ZNF546: variants seen among roughly 807,000 people sequenced by gnomAD.
ZNF546 encodes the protein CTC-471F3.6.
A neutral mutation model predicts 76.2 loss-of-function variants in ZNF546; 60 were observed. The ratio of observed to expected loss-of-function variants is 0.79; its 90% CI spans 0.64 to 0.98. The LOEUF is 0.98. Ranked by LOEUF, ZNF546 falls within the 50% of genes least tolerant of loss-of-function variation. ZNF546 has a pLI of 0.00. For missense variants in ZNF546, 936 were observed against 1,035.6 expected (o/e 0.90, Z 1.32); for synonymous variants, 277 against 328.1 (o/e 0.84, Z 1.68).
rs138568587 is a variant in ZNF546 at position 40,014,661 on chromosome 19, C to T, written c.1391C>T (p.Thr464Ile). ...CTTACTCGGCATCATAGAACTCATACTGGTGAGAAACCCTATGAATGTAAG... is the reference window on the plus strand; with the variant it reads ...CTTACTCGGCATCATAGAACTCATATTGGTGAGAAACCCTATGAATGTAAG... Reference protein sequence around the residue: ...TELTRHHRTHTGEKPYECKEC... With the variant: ...TELTRHHRTHIGEKPYECKEC... The change falls in exon 7 of 7, where the codon ACT becomes ATT. Residue 464 changes from threonine to isoleucine, a missense_variant. Thr to Ile is a moderately conservative substitution (Grantham distance 89, BLOSUM62 -1). Coordinates refer to ENST00000347077, the MANE Select transcript of ZNF546 (RefSeq NM_178544.5). 21 of 1,614,010 alleles carry T rather than the reference C, an allele frequency of 1.3e-5. No homozygotes were observed. In the South Asian group the frequency reaches 2.2e-4, roughly 17 times the overall value.
Position 40,013,702 on chromosome 19 carries a change from A to G in ZNF546, c.432A>G (p.Ser144=). Residue 144 remains serine, a synonymous_variant, in exon 7 of 7, where the codon TCA becomes TCG. Coordinates refer to ENST00000347077, the MANE Select transcript of ZNF546 (RefSeq NM_178544.5). ...EYKYITKNLL[S]EKNVCKIYLS... ...AGTATATTACCAAGAATTTGCTTTCAGAAAAGAATGTTTGCAAAATCTATT... is the reference window on the plus strand; with the variant it reads ...AGTATATTACCAAGAATTTGCTTTCGGAAAAGAATGTTTGCAAAATCTATT... The G allele has an allele frequency of 1.3e-6, 2 of 1,529,788 alleles. No individual in the cohort carries two copies. Among genetic ancestry groups the G allele is most frequent in the Non-Finnish European group, 1.8e-6 (2 of 1,139,488 alleles). 94.8% of individuals were successfully genotyped at this position (1,529,788 alleles called of 1,614,324 possible).
At position 40,013,550 on chromosome 19, in the gene ZNF546, T is replaced by G. The variant is rs1971697958; in HGVS notation, c.395-115T>G. The G allele has an allele frequency of 4.5e-6, 4 of 895,590 alleles. No homozygotes were observed. In the East Asian group the frequency reaches 1.1e-4, roughly 24 times the overall value. 55.5% of individuals were successfully genotyped at this position (895,590 alleles called of 1,614,324 possible). On this transcript the variant is annotated intron_variant, in intron 6 of 6. Transcript: ENST00000347077. ...CCATTTATTTCTAATGTATGTTATT[T>G]CTGTTTATCTTTTATTTCTACTATG...
chr19:40,007,476 C>CT, intron 5 of ZNF546, 76 bp downstream of exon 5: 1 of 1,385,624 alleles, frequency 7.2e-7, no homozygotes, highest in Non-Finnish European at 9.5e-7. Flanking sequence ...CTTTAGAACT[C>CT]TGTTTTAAGA....
chr19:40,003,088 T>C (rs1971551795), intron 3 of ZNF546, among the ~76,000 whole-genome samples: 1 of 145,520 alleles, frequency 6.9e-6, no homozygotes, highest in East Asian at 2.0e-4. Flanking sequence ...CAGGCTGGAG[T>C]GCAGTGGTGC....
chr19:39,998,653 A>G, intron 3 of ZNF546: 1 of 468,426 alleles, frequency 2.1e-6, no homozygotes, highest in Non-Finnish European at 3.8e-6. Flanking sequence ...TGTGAACATG[A>G]GCAGGGATTT....
Position 40,014,675 on chromosome 19 carries a change from T to C in ZNF546, c.1405T>C (p.Tyr469His). ...TAGAACTCATACTGGTGAGAAACCCTATGAATGTAAGGAATGTGGGAAGGC... is the reference window on the plus strand; with the variant it reads ...TAGAACTCATACTGGTGAGAAACCCCATGAATGTAAGGAATGTGGGAAGGC... Reference protein sequence around the residue: ...HHRTHTGEKPYECKECGKAFI... With the variant: ...HHRTHTGEKPHECKECGKAFI... The change falls in exon 7 of 7, where the codon TAT becomes CAT. Residue 469 changes from tyrosine (Y) to histidine (H), a missense_variant. Physicochemically the swap from Tyr to His is moderately conservative, Grantham distance 83. Transcript: ENST00000347077. 6.2e-7 allele frequency: 1 copy of C among 1,614,060 alleles called. No homozygotes were observed. The highest frequency in any genetic ancestry group is 8.5e-7 in the Non-Finnish European group (1 of 1,180,004).
chr19:40,012,544 C>T (rs1971685557), intron 6 of ZNF546, among the ~76,000 whole-genome samples: 1 of 152,026 alleles, frequency 6.6e-6, no homozygotes, highest in South Asian at 2.1e-4. Flanking sequence ...GGGTTTTTAT[C>T]AATGGTAATA....
intron 6 of ZNF546, among the ~76,000 whole-genome samples, chr19:40,008,802 G>T (rs980411001): frequency 6.6e-6 from 1 of 151,968 alleles, no homozygotes; most frequent in African/African-American, 2.4e-5. Flanking sequence ...CTCTTTCAAA[G>T]TGGGGCTGCT....
At chr19:40,006,246 C>T in intron 4 of ZNF546, 64 bp downstream of exon 4, 4 of 1,453,078 alleles carry the variant, frequency 2.8e-6, no homozygotes, top group East Asian at 2.3e-5. Flanking sequence ...ATTGAAGTCT[C>T]GTTATCTTGA....
Position 40,014,762 on chromosome 19 carries a change from G to A in ZNF546, c.1492G>A (p.Glu498Lys), listed in dbSNP as rs1321891937. The A allele has an allele frequency of 6.2e-7, 1 of 1,613,056 alleles. No homozygotes were observed. The highest frequency in any genetic ancestry group is 1.3e-5 in the African/African-American group (1 of 74,626). ...LRTHTGEIPYECKECGKTFSS... is the reference protein window; with the variant it reads ...LRTHTGEIPYKCKECGKTFSS... ...AACTCACACCGGTGAGATTCCCTAT[G>A]AATGTAAGGAATGTGGAAAAACCTT... Residue 498 changes from glutamate to lysine, a missense_variant, in exon 7 of 7, where the codon GAA becomes AAA. Glu to Lys is a moderately conservative substitution (Grantham distance 56). Coordinates refer to ENST00000347077, the MANE Select transcript of ZNF546 (RefSeq NM_178544.5).
rs887501232 is a variant in ZNF546 at position 39,998,212 on chromosome 19, T to C, written c.-79-36T>C. On this transcript the variant is annotated intron_variant, in intron 2 of 6. Transcript: ENST00000347077. ...TCTCTGGTCTATATCTTTAAGTAAA[T>C]CTTTAAATAAATGCATAAAATGTTT... The C allele has an allele frequency of 4.2e-5, 31 of 745,952 alleles. No homozygotes were observed. The Admixed American group carries it at 7.7e-4, about 19-fold the overall frequency. The allele number at this position is 745,952 out of a possible 1,614,324, so 46.2% of individuals were successfully genotyped here.
In ZNF546 at chr19:40,015,650, C is replaced by T. The variant is rs146960996; in HGVS notation, c.2380C>T (p.Arg794Ter). The T allele has an allele frequency of 3.2e-5, 51 of 1,613,916 alleles. 1 individual carries two copies. The highest frequency in any genetic ancestry group is 3.3e-4 in the Middle Eastern group (2 of 6,084). The change falls in exon 7 of 7, where the codon CGA becomes TGA. Residue 794 changes from arginine (R) to a stop codon, truncating the protein, a stop_gained. Coordinates refer to ENST00000347077, the MANE Select transcript of ZNF546 (RefSeq NM_178544.5). LOFTEE classifies it high-confidence loss of function. ...KAFSVNSELT[R>*]HHRIHTGEKP... ...CTTCAGTGTTAATTCAGAACTTACT[C>T]GACATCACAGAATTCATACTGGTGA... is the stretch of plus-strand genomic sequence containing the variant.
chr19:40,005,785 A>G (rs1275937618), intron 3 of ZNF546, among the ~76,000 whole-genome samples: 1 of 152,170 alleles, frequency 6.6e-6, no homozygotes, highest in African/African-American at 2.4e-5. Flanking sequence ...GGCAAGTTAC[A>G]TTATTTTAAG....
At chr19:40,003,881 G>A (rs1971562384) in intron 3 of ZNF546, among the ~76,000 whole-genome samples, 1 of 151,562 alleles carries the variant, frequency 6.6e-6, no homozygotes, top group South Asian at 2.1e-4. Flanking sequence ...GCGCAGTGGT[G>A]GGCGCCTGTA....
chr19:40,000,045 G>A (rs1157535142), intron 3 of ZNF546, among the ~76,000 whole-genome samples: 1 of 152,116 alleles, frequency 6.6e-6, no homozygotes, highest in Non-Finnish European at 1.5e-5. Flanking sequence ...CCTAACCATA[G>A]CTTTCTTATA....
intron 3 of ZNF546, chr19:39,998,616 G>A (rs1470580814): frequency 1.9e-6 from 1 of 531,550 alleles, no homozygotes; most frequent in African/African-American, 1.9e-5. Flanking sequence ...GTGGGAATGT[G>A]ATTGGAAGTC....
At position 40,013,972 on chromosome 19, in the gene ZNF546, A is replaced by G; in HGVS notation, c.702A>G (p.Gln234=). Residue 234 remains glutamine, a synonymous_variant, in exon 7 of 7, where the codon CAA becomes CAG. Transcript: ENST00000347077. ...TTAGACAACAGTCATACCTTATTCA[A>G]CATCTGAGAATTCACACTGGTGAGA... ...KAFRQQSYLI[Q]HLRIHTGERP... is the part of the protein sequence containing the mutation. 6.2e-7 allele frequency: 1 copy of G among 1,612,948 alleles called. No homozygotes were observed. Among genetic ancestry groups the G allele is most frequent in the East Asian group, 2.2e-5 (1 of 44,862 alleles).
chr19:40,001,552 G>T (rs933940940), intron 3 of ZNF546, among the ~76,000 whole-genome samples: 11 of 151,910 alleles, frequency 7.2e-5, no homozygotes, highest in Non-Finnish European at 1.3e-4. Context: ...AGTAGAGACG[G>T]GGTTTCACCA....
intron 3 of ZNF546, among the ~76,000 whole-genome samples, chr19:39,998,787 T>G (rs747834128): frequency 7.2e-5 from 11 of 152,206 alleles, no homozygotes; most frequent in Non-Finnish European, 1.5e-4. Flanking sequence ...TTTTTTCTTT[T>G]TTTGAGAAGG....
Sources: allele counts gnomAD v4.1 joint callset (sites outside exome capture counted in the v4.1 genomes callset), GRCh38; gene constraint gnomAD v4.1.1; transcripts MANE v1.5; gene names NCBI Gene and HGNC (gene_info 2026-07-23, HGNC 2026-07-21).